PAMR1: variants seen among roughly 807,000 people sequenced by gnomAD.
The protein encoded by PAMR1 is peptidase domain containing associated with muscle regeneration 1.
A neutral mutation model predicts 81.8 loss-of-function variants in PAMR1; 88 were observed. The observed-to-expected ratio is 1.08, with a 90% confidence interval of 0.91 to 1.28. The LOEUF (loss-of-function observed/expected upper bound fraction) is 1.28, where lower values mean the gene tolerates loss of function less well. Ranked by LOEUF, PAMR1 falls within the 50% of genes most tolerant of loss-of-function variation. The pLI is 0.00. For missense variants in PAMR1, 935 were observed against 919.7 expected (o/e 1.02, Z -0.21); for synonymous variants, 336 against 345.3 (o/e 0.97, Z 0.30).
intron 3 of PAMR1, among the ~76,000 whole-genome samples, chr11:35,475,451 C>A (rs1850268282): frequency 6.6e-6 from 1 of 152,174 alleles, no homozygotes; most frequent in Non-Finnish European, 1.5e-5. Context: ...ACCCTCCACC[C>A]CGATCCTTAC....
At chr11:35,497,519 T>C (rs936145314) in intron 1 of PAMR1, among the ~76,000 whole-genome samples, 1 of 152,208 alleles carries the variant, frequency 6.6e-6, no homozygotes, top group Non-Finnish European at 1.5e-5. Context: ...AGGAATCTAA[T>C]TAACGCCACA....
chr11:35,491,323 A>C (rs539383829), intron 3 of PAMR1, among the ~76,000 whole-genome samples: 178 of 152,330 alleles, frequency 1.2e-3, no homozygotes, highest in African/African-American at 4.2e-3. Flanking sequence ...GTAAACTGGA[A>C]ATATCATTCA....
chr11:35,513,467 C>T (rs1851108625), intron 1 of PAMR1: 1 of 152,260 alleles, frequency 6.6e-6, no homozygotes, highest in African/African-American at 2.4e-5. Flanking sequence ...TCAGGTATGT[C>T]GTTCATCATT....
At chr11:35,434,876 C>A in intron 9 of PAMR1, 72 bp from the exon 10 acceptor site, 2 of 1,449,984 alleles carry the variant, frequency 1.4e-6, no homozygotes, top group South Asian at 2.5e-5. Context: ...GTCACTTAAC[C>A]AGAGAGCACA....
At chr11:35,526,516 G>A (rs1223538547), upstream of PAMR1, among the ~76,000 whole-genome samples, 32 of 152,178 alleles carry the variant, frequency 2.1e-4, no homozygotes, top group Admixed American at 2.1e-3. Context: ...CGTGCCAGGT[G>A]TCATGTACCT....
In PAMR1 at chr11:35,432,841, C is replaced by A. The variant is rs1473267741; in HGVS notation, c.1678G>T (p.Asp560Tyr). 10 of 1,600,276 alleles carry A rather than the reference C, an allele frequency of 6.2e-6. No individual in the cohort carries two copies. Among genetic ancestry groups the A allele is most frequent in the Non-Finnish European group, 8.5e-6 (10 of 1,179,076 alleles). ...PNYDPILLDA[D>Y]IAILKLLDKA... ...TCTAGGAGCTTCAGGATGGCGATGTCAGCATCAAGCAGGATGGGGTCATAG... is the reference window on the plus strand; with the variant it reads ...TCTAGGAGCTTCAGGATGGCGATGTAAGCATCAAGCAGGATGGGGTCATAG... Residue 560 changes from aspartate (D) to tyrosine (Y), a missense_variant, in exon 11 of 11, where the codon GAC (aspartate) becomes TAC (tyrosine). Coordinates refer to ENST00000619888, the MANE Select transcript of PAMR1 (RefSeq NM_001001991.3).
rs1170685741 is a variant in PAMR1 at position 35,474,741 on chromosome 11, C to T, written c.383G>A (p.Cys128Tyr). 3.1e-6 allele frequency: 5 copies of T among 1,601,834 alleles called. No individual in the cohort carries two copies. The highest frequency in any genetic ancestry group is 4.3e-6 in the Non-Finnish European group (5 of 1,172,736). Residue 128 changes from cysteine (C) to tyrosine (Y), a missense_variant, in exon 4 of 11, where the codon TGT (cysteine) becomes TAT (tyrosine). Physicochemically the swap from Cys to Tyr is radical, Grantham distance 194. Transcript: ENST00000619888. ...CTTTGGGGCTCGCAGAACCTGGCCA[C>T]ATCCTAAGAAAAGAAGAAAAGATTG... ...AGWYGGDCMR[C>Y]GQVLRAPKGQ...
chr11:35,453,137 T>C (rs1380837256), intron 6 of PAMR1, among the ~76,000 whole-genome samples: 1 of 152,234 alleles, frequency 6.6e-6, no homozygotes, highest in African/African-American at 2.4e-5. Flanking sequence ...CTTACCTGGT[T>C]GGGCTTGTTC....
At chr11:35,484,145 T>C (rs1850454432) in intron 3 of PAMR1, among the ~76,000 whole-genome samples, 2 of 152,224 alleles carry the variant, frequency 1.3e-5, no homozygotes, top group African/African-American at 4.8e-5. Context: ...ACTTACTATA[T>C]ACCAGACTCC....
chr11:35,511,466 C>T (rs1238261100), intron 1 of PAMR1, among the ~76,000 whole-genome samples: 3 of 152,240 alleles, frequency 2.0e-5, no homozygotes, highest in Non-Finnish European at 2.9e-5. Context: ...AGATGTCAGA[C>T]TAAAGGCCCT....
At chr11:35,454,839 G>T (rs929375179) in intron 6 of PAMR1, among the ~76,000 whole-genome samples, 2 of 152,138 alleles carry the variant, frequency 1.3e-5, no homozygotes, top group African/African-American at 4.8e-5. Context: ...GCTCGCCTTG[G>T]GCTCCAGGCC....
intron 3 of PAMR1, among the ~76,000 whole-genome samples, chr11:35,485,452 G>A (rs927686863): frequency 1.1e-4 from 17 of 152,062 alleles, no homozygotes; most frequent in African/African-American, 3.9e-4. Flanking sequence ...GCGATAAAGT[G>A]CCAGTAGCTC....
At chr11:35,525,897 G>A (rs1851379016), upstream of PAMR1, 5 of 454,510 alleles carry the variant, frequency 1.1e-5, no homozygotes, top group East Asian at 2.0e-4. Context: ...GTACAGGTGG[G>A]GTCCCAGTGT....
In PAMR1 at chr11:35,473,505, C is replaced by T. The variant is rs116103153; in HGVS notation, c.494+1125G>A. The stretch of plus-strand genomic sequence containing the variant: ...CAGACCCAGCCTTGAGCTCAATGGG[C>T]GGAACAGTGTGGTTCATCGCTTGTT... On this transcript the variant is annotated intron_variant, in intron 4 of 10. Coordinates refer to ENST00000619888, the MANE Select transcript of PAMR1 (RefSeq NM_001001991.3). 6.0e-3 allele frequency among the ~76,000 whole-genome samples: 918 copies of T among 152,260 alleles called. 6 individuals carry two copies. Among genetic ancestry groups the T allele is most frequent in the African/African-American group, 0.019 (797 of 41,536 alleles).
chr11:35,473,524 G>A (rs755079114), intron 4 of PAMR1, among the ~76,000 whole-genome samples: 31 of 152,248 alleles, frequency 2.0e-4, no homozygotes, highest in African/African-American at 6.3e-4. Flanking sequence ...GTGGTTCATC[G>A]CTTGTTCCTT....
intron 6 of PAMR1, among the ~76,000 whole-genome samples, chr11:35,466,717 G>A (rs10836402): frequency 0.36 from 47,134 of 129,310 alleles, 8,814 homozygotes; most frequent in African/African-American, 0.48. Context: ...ACAGAGAGAG[G>A]CTCTATCTCA....
At chr11:35,491,940 G>C (rs954649653) in intron 3 of PAMR1, 105 bp downstream of exon 3, 76 of 1,056,248 alleles carry the variant, frequency 7.2e-5, no homozygotes, top group Middle Eastern at 4.3e-4. Context: ...TCTGGCTGCA[G>C]GCTTTCCAAA....
intron 6 of PAMR1, among the ~76,000 whole-genome samples, chr11:35,460,396 T>C (rs1015989476): frequency 1.3e-5 from 2 of 152,074 alleles, no homozygotes; most frequent in African/African-American, 4.8e-5. Context: ...TACATATGTA[T>C]ACATGTGCCA....
At chr11:35,494,568 C>A (rs1850690934) in intron 1 of PAMR1, among the ~76,000 whole-genome samples, 1 of 152,128 alleles carries the variant, frequency 6.6e-6, no homozygotes, top group African/African-American at 2.4e-5. Flanking sequence ...TTCCTCACCT[C>A]GTGATCCACC....
Sources: allele counts gnomAD v4.1 joint callset (sites outside exome capture counted in the v4.1 genomes callset), GRCh38; gene constraint gnomAD v4.1.1; transcripts MANE v1.5; gene names NCBI Gene and HGNC (gene_info 2026-07-23, HGNC 2026-07-21).